SYNPO2L: variants seen among roughly 807,000 people sequenced by gnomAD.
SYNPO2L encodes synaptopodin 2 like, also known as synaptopodin 2-like protein.
A neutral mutation model predicts 47.5 loss-of-function variants in SYNPO2L; 34 were observed. The ratio of observed to expected loss-of-function variants is 0.72; its 90% CI spans 0.54 to 0.95. SYNPO2L has a LOEUF of 0.95. Ranked by LOEUF, SYNPO2L falls within the 40% of genes least tolerant of loss-of-function variation. The pLI, the probability that SYNPO2L is intolerant of heterozygous loss-of-function variation, is 0.00. For synonymous variants in SYNPO2L, 536 were observed against 524.9 expected, an observed-to-expected ratio of 1.02 and a Z score of -0.29; for missense variants, 1,246 against 1,282.0, an observed-to-expected ratio of 0.97 and a Z score of 0.43.
intron 1 of SYNPO2L, 125 bp downstream of exon 1, chr10:73,655,690 GCCC>G: frequency 1.8e-5 from 5 of 271,702 alleles, no homozygotes; most frequent in South Asian, 6.1e-5. Flanking sequence ...ATACTTCCCT[GCCC>G]ACCACCCACC....
chr10:73,646,604 C>T lies in SYNPO2L; in HGVS notation c.*114G>A. 2.2e-6 allele frequency: 3 copies of T among 1,339,530 alleles called. No homozygotes were observed. Among genetic ancestry groups the T allele is most frequent in the Non-Finnish European group, 2.9e-6 (3 of 1,039,550 alleles). 83.0% of individuals were successfully genotyped at this position (1,339,530 alleles called of 1,614,324 possible). ...GGGGACATCAACTTGGAAACCATCT[C>T]TGGCAGGAGGCAATTTAGCTTCCAG... On this transcript the variant is annotated 3_prime_UTR_variant, in exon 4 of 4. Coordinates refer to ENST00000394810, the MANE Select transcript of SYNPO2L (RefSeq NM_001114133.3).
chr10:73,647,177 G>A lies in SYNPO2L; in HGVS notation c.2475C>T (p.Ala825=), dbSNP rs1444685711. 1.9e-6 allele frequency: 3 copies of A among 1,613,804 alleles called. No individual in the cohort carries two copies. The highest frequency in any genetic ancestry group is 2.5e-6 in the Non-Finnish European group (3 of 1,179,896). Residue 825 remains alanine, a synonymous_variant, in exon 4 of 4, where the codon GCC becomes GCT. Transcript: ENST00000394810. ...GGGATTGGGCCTTAGGGAGAGTTCG[G>A]GCCGCCTGGGGGAAAAAGGGAGAGA... ...PLLSPFFPQA[A]RTLPKAQSQG... is the part of the protein sequence containing the mutation.
chr10:73,647,254 T>G lies in SYNPO2L; in HGVS notation c.2398A>C (p.Lys800Gln), dbSNP rs1392864196. The G allele has an allele frequency of 6.2e-7, 1 of 1,613,924 alleles. No individual in the cohort carries two copies. Among genetic ancestry groups the G allele is most frequent in the Non-Finnish European group, 8.5e-7 (1 of 1,179,944 alleles). ...GGGGCACGGATGTTGGGTGAATATT[T>G]CCAGGAAGGGGGCAGAGACGGGGTA... is the stretch of plus-strand genomic sequence containing the variant. Reference protein sequence around the residue: ...SPTPSLPPSWKYSPNIRAPPP... With the variant: ...SPTPSLPPSWQYSPNIRAPPP... The change falls in exon 4 of 4, where the codon AAA becomes CAA. Residue 800 changes from lysine to glutamine, a missense_variant. Physicochemically the swap from Lys to Gln is moderately conservative, Grantham distance 53 (BLOSUM62 1). Around this residue, in one of 3 missense-constraint regions of SYNPO2L, gnomAD observed 1,037 missense variants for 1,021.5 expected, o/e 1.02. Transcript: ENST00000394810.
chr10:73,649,964 C>T, intron 3 of SYNPO2L: 1 of 985,402 alleles, frequency 1.0e-6, no homozygotes, highest in East Asian at 1.1e-4. Context: ...CTTCAGGGGT[C>T]AGAACTGTCT....
chr10:73,650,836 C>A, intron 3 of SYNPO2L: 1 of 1,451,262 alleles, frequency 6.9e-7, no homozygotes, highest in Non-Finnish European at 9.1e-7. Flanking sequence ...CCAAAGACTA[C>A]CCTTCCTAAA....
rs1287661446 is a variant in SYNPO2L at position 73,654,138 on chromosome 10, G to A, written c.248C>T (p.Thr83Ile). The A allele has an allele frequency of 1.3e-6, 2 of 1,551,566 alleles. No homozygotes were observed. The highest frequency in any genetic ancestry group is 2.4e-5 in the East Asian group (1 of 40,926). Residue 83 changes from threonine (T) to isoleucine (I), a missense_variant, in exon 2 of 4, where the codon ACT becomes ATT. By Grantham distance (89) the Thr-to-Ile change is moderately conservative (BLOSUM62 -1). Coordinates refer to ENST00000394810, the MANE Select transcript of SYNPO2L (RefSeq NM_001114133.3). ...IDASGNQLVL[T>I]VQRLADEGPV... Reference sequence around the variant, plus strand: ...GGAGAGAGGTCCATACCGCTGCACAGTGAGGACAAGCTGATTTCCTGAGGC... The same window carrying A: ...GGAGAGAGGTCCATACCGCTGCACAATGAGGACAAGCTGATTTCCTGAGGC...
chr10:73,647,498 AG>A lies in SYNPO2L; in HGVS notation c.2153del (p.Thr718IlefsTer22). 6.3e-7 allele frequency: 1 copy of A among 1,576,238 alleles called. No homozygotes were observed. The highest frequency in any genetic ancestry group is 8.6e-7 in the Non-Finnish European group (1 of 1,160,272). ...PMAPKTPPPMTPKTPPPVAPK... is the reference protein window; with the variant it reads ...PMAPKTPPPMXPKTPPPVAPK... ...GAGCCACTGGGGGTGGAGTCTTAGG[AG>A]TCATAGGGGGCGGGGTCTTGGGAGC... On this transcript the variant is annotated frameshift_variant, in exon 4 of 4. Coordinates refer to ENST00000394810, the MANE Select transcript of SYNPO2L (RefSeq NM_001114133.3). LOFTEE classifies it high-confidence loss of function.
Position 73,645,217 on chromosome 10 carries a change from A to C in SYNPO2L, c.*1501T>G, listed in dbSNP as rs1480622728. Reference sequence around the variant, plus strand: ...GACACCAACCGTTCTTTCAACACTCAGCACACACCCTCACACCTCCCTTCC... The same window carrying C: ...GACACCAACCGTTCTTTCAACACTCCGCACACACCCTCACACCTCCCTTCC... On this transcript the variant is annotated 3_prime_UTR_variant, in exon 4 of 4. Coordinates refer to ENST00000394810, the MANE Select transcript of SYNPO2L (RefSeq NM_001114133.3). 6.2e-6 allele frequency: 7 copies of C among 1,133,032 alleles called. No homozygotes were observed. Among genetic ancestry groups the C allele is most frequent in the Non-Finnish European group, 7.7e-6 (7 of 911,908 alleles). The allele number at this position is 1,133,032 out of a possible 1,614,324, so 70.2% of individuals were successfully genotyped here.
At position 73,655,878 on chromosome 10, in the gene SYNPO2L, G is replaced by A. The variant is rs867344709; in HGVS notation, c.45C>T (p.Ala15=). ...EEVLVTLSGG[A]PWGFRLHGGA... ...CCCCATGAAGTCGGAAGCCCCAGGG[G>A]GCTCCCCCTGATAGTGTGACCAGCA... is the stretch of plus-strand genomic sequence containing the variant. Residue 15 remains alanine (A), a synonymous_variant, in exon 1 of 4, where the codon GCC becomes GCT. Coordinates refer to ENST00000394810, the MANE Select transcript of SYNPO2L (RefSeq NM_001114133.3). 1 of 1,551,200 alleles carries A rather than the reference G, an allele frequency of 6.4e-7. No homozygotes were observed. Among genetic ancestry groups the A allele is most frequent in the South Asian group, 1.2e-5 (1 of 84,020 alleles).
At chr10:73,651,091 A>C in intron 3 of SYNPO2L, 1 of 1,461,844 alleles carries the variant, frequency 6.8e-7, no homozygotes, top group East Asian at 2.5e-5. Context: ...TTGTCCCCAG[A>C]GCTGGCAGCT....
chr10:73,654,049 G>C, intron 2 of SYNPO2L, 80 bp downstream of exon 2: 1 of 1,500,098 alleles, frequency 6.7e-7, no homozygotes, highest in Non-Finnish European at 9.0e-7. Context: ...AGTTGCTAAA[G>C]CCAGGCCAGT....
At chr10:73,649,118 T>G (rs2132419896) in intron 3 of SYNPO2L, among the ~76,000 whole-genome samples, 1 of 152,234 alleles carries the variant, frequency 6.6e-6, no homozygotes, top group South Asian at 2.1e-4. Flanking sequence ...TGACCACAGC[T>G]CTTCCATCCC....
chr10:73,651,120 A>G (rs2081838237), intron 3 of SYNPO2L: 10 of 1,390,814 alleles, frequency 7.2e-6, no homozygotes, highest in South Asian at 3.3e-5. Context: ...TCACTGTGCT[A>G]TTTTTGGAGC....
In SYNPO2L at chr10:73,647,207, T is replaced by C. The variant is rs144401446; in HGVS notation, c.2445A>G (p.Pro815=). The change falls in exon 4 of 4, where the codon CCA becomes CCG. Residue 815 remains proline, a synonymous_variant. Coordinates refer to ENST00000394810, the MANE Select transcript of SYNPO2L (RefSeq NM_001114133.3). ...IRAPPPIAYN[P]LLSPFFPQAA... is the part of the protein sequence containing the mutation. ...CCTGGGGGAAAAAGGGAGAGAGCAGTGGGTTGTAAGCAATAGGAGGCGGGG... is the reference window on the plus strand; with the variant it reads ...CCTGGGGGAAAAAGGGAGAGAGCAGCGGGTTGTAAGCAATAGGAGGCGGGG... The C allele has an allele frequency of 3.7e-5, 59 of 1,612,956 alleles. No individual in the cohort carries two copies. In the African/African-American group the frequency reaches 7.1e-4, roughly 19 times the overall value.
In SYNPO2L at chr10:73,647,101, G is replaced by A. The variant is rs868074634; in HGVS notation, c.2551C>T (p.Arg851Trp). 1.2e-6 allele frequency: 2 copies of A among 1,614,034 alleles called. No homozygotes were observed. The highest frequency in any genetic ancestry group is 1.7e-6 in the Non-Finnish European group (2 of 1,180,006). Residue 851 changes from arginine (R) to tryptophan (W), a missense_variant, in exon 4 of 4, where the codon CGG becomes TGG. Arg to Trp is a moderately radical substitution (Grantham distance 101, BLOSUM62 -3). Coordinates refer to ENST00000394810, the MANE Select transcript of SYNPO2L (RefSeq NM_001114133.3). ...KQGIKALDFM[R>W]HQPYQLKTAM... ...GTTTTAAGTTGATAGGGCTGATGCC[G>A]CATAAAATCTAGAGCCTTGATGCCC...
At position 73,648,024 on chromosome 10, in the gene SYNPO2L, G is replaced by T; in HGVS notation, c.1628C>A (p.Pro543His). The T allele has an allele frequency of 6.3e-7, 1 of 1,588,256 alleles. No homozygotes were observed. Among genetic ancestry groups the T allele is most frequent in the Non-Finnish European group, 8.6e-7 (1 of 1,168,114 alleles). ...GSPSTPRSSG[P>H]VTATSSLYIP... ...GTACAGGGAGCTGGTGGCTGTCACA[G>T]GGCCCGAGGAGCGTGGGGTGCTGGG... Residue 543 changes from proline to histidine, a missense_variant, in exon 4 of 4, where the codon CCT (proline) becomes CAT (histidine). Transcript: ENST00000394810.
Position 73,646,073 on chromosome 10 carries a change from C to T in SYNPO2L, c.*645G>A, listed in dbSNP as rs2081744248. The T allele has an allele frequency of 1.0e-6, 1 of 983,766 alleles. No individual in the cohort carries two copies. The highest frequency in any genetic ancestry group is 6.2e-5 in the Admixed American group (1 of 16,252). 60.9% of individuals were successfully genotyped at this position (983,766 alleles called of 1,614,324 possible). A position where few individuals can be genotyped will look rare whatever the true frequency, so the allele number is the denominator to read the frequency against. On this transcript the variant is annotated 3_prime_UTR_variant, in exon 4 of 4. Coordinates refer to ENST00000394810, the MANE Select transcript of SYNPO2L (RefSeq NM_001114133.3). ...TCTCCTGACCTCGTGATCCGCCCGC[C>T]TCGGCCTCCCAAAGTGCTGGGATTA...
At chr10:73,655,662 C>G (rs1425229305) in intron 1 of SYNPO2L, among the ~76,000 whole-genome samples, 156 bp downstream of exon 1, 1 of 151,770 alleles carries the variant, frequency 6.6e-6, no homozygotes, top group African/African-American at 2.4e-5. Flanking sequence ...GACGCTACTC[C>G]CACTATGAGA....
chr10:73,646,314 C>A lies in SYNPO2L; in HGVS notation c.*404G>T, dbSNP rs1030041650. The A allele has an allele frequency of 2.0e-6, 2 of 996,592 alleles. No individual in the cohort carries two copies. Among genetic ancestry groups the A allele is most frequent in the Non-Finnish European group, 2.4e-6 (2 of 838,216 alleles). The allele number at this position is 996,592 out of a possible 1,614,324, so 61.7% of individuals were successfully genotyped here. A position where few individuals can be genotyped will look rare whatever the true frequency, so the allele number is the denominator to read the frequency against. On this transcript the variant is annotated 3_prime_UTR_variant, in exon 4 of 4. Coordinates refer to ENST00000394810, the MANE Select transcript of SYNPO2L (RefSeq NM_001114133.3). ...GTCAGTTCAGTCCCTTTGCTGTGTG[C>A]CTGGTGGTGAGCTTCTTGCCTGAAG...
Sources: gnomAD v4.1 joint callset for allele counts (sites outside exome capture counted in the v4.1 genomes callset) on GRCh38, gnomAD v4.1.1 for gene constraint, gnomAD v4.1.1 regional missense constraint, MANE v1.5 for transcripts, NCBI Gene and HGNC (gene_info 2026-07-23, HGNC 2026-07-21) for gene names.